PARD3B: variants seen among roughly 807,000 people sequenced by gnomAD.
PARD3B encodes partitioning defective 3 homolog B.
A neutral mutation model predicts 130.2 loss-of-function variants in PARD3B; 103 were observed. That is an observed-to-expected ratio of 0.79 (90% CI 0.67 to 0.93). PARD3B has a LOEUF of 0.93. PARD3B is among the 40% of genes least tolerant of loss of function. The pLI, the probability that PARD3B is intolerant of heterozygous loss-of-function variation, is 0.00. For synonymous variants in PARD3B, 583 were observed against 553.2 expected (o/e 1.05, Z -0.76); for missense variants, 1,609 against 1,499.2 (o/e 1.07, Z -1.21).
At chr2:205,424,174 T>C (rs2047066669) in intron 19 of PARD3B, among the ~76,000 whole-genome samples, 2 of 152,206 alleles carry the variant, frequency 1.3e-5, no homozygotes, top group Admixed American at 6.5e-5. Flanking sequence ...GGGAAAAGAC[T>C]GTACCCTCTG....
chr2:205,338,167 A>C (rs1197393813), intron 18 of PARD3B, among the ~76,000 whole-genome samples: 5 of 151,194 alleles, frequency 3.3e-5, no homozygotes, highest in Admixed American at 6.6e-5. Context: ...AAAAAAAAAA[A>C]AAAAAAAAAA....
chr2:204,998,473 A>ATATGTGTATATAATATATGTATATT (rs1694523079), intron 3 of PARD3B, among the ~76,000 whole-genome samples: 1 of 92,992 alleles, frequency 1.1e-5, no homozygotes, highest in Non-Finnish European at 2.1e-5. Context: ...ATATGTATAT[A>ATATGTGTATATAATATATGTATATT]TATGTGTATA....
Position 204,763,886 on chromosome 2 carries a change from T to C in PARD3B, c.222+77604T>C, listed in dbSNP as rs1298669139. Reference sequence around the variant, plus strand: ...TAGACCAACTTTTCTTCCATGCTTATAGAATAGAGTGAAATTTTTAATCTA... The same window carrying C: ...TAGACCAACTTTTCTTCCATGCTTACAGAATAGAGTGAAATTTTTAATCTA... On this transcript the variant is annotated intron_variant, in intron 2 of 22. Coordinates refer to ENST00000406610, the MANE Select transcript of PARD3B (RefSeq NM_001302769.2). 4.6e-5 allele frequency among the ~76,000 whole-genome samples: 7 copies of C among 152,368 alleles called. No individual in the cohort carries two copies. The East Asian group carries it at 1.3e-3, about 29-fold the overall frequency.
chr2:205,508,863 A>G (rs951343936), intron 21 of PARD3B, among the ~76,000 whole-genome samples: 2 of 152,230 alleles, frequency 1.3e-5, no homozygotes, highest in East Asian at 3.8e-4. Context: ...TGAAACATCA[A>G]TGCCACTGGA....
Position 205,550,951 on chromosome 2 carries a change from A to ATATATATATATG in PARD3B, c.3181-2372_3181-2371insATATATATATGT, listed in dbSNP as rs1553542788. Among the ~76,000 whole-genome samples, 4 of 77,578 alleles carry ATATATATATATG rather than the reference A, an allele frequency of 5.2e-5. No homozygotes were observed. The highest frequency in any genetic ancestry group is 3.1e-4 in the East Asian group (1 of 3,184). The allele number at this position is 77,578 out of a possible 152,430, so 50.9% of individuals were successfully genotyped here. ...TGTGTGTGTGTGTGTGTATATATAT[A>ATATATATATATG]TGTGTATATATATATATATATATAT... is the stretch of plus-strand genomic sequence containing the variant. On this transcript the variant is annotated intron_variant, in intron 21 of 22. Coordinates refer to ENST00000406610, the MANE Select transcript of PARD3B (RefSeq NM_001302769.2). This position sits in a 1 kb window ranked among gnomAD's most constrained non-coding sequence, Gnocchi z 4.5.
chr2:204,692,460 G>T (rs1304567828), intron 2 of PARD3B, among the ~76,000 whole-genome samples: 1 of 151,248 alleles, frequency 6.6e-6, no homozygotes, highest in East Asian at 2.0e-4. Context: ...GAAGTATATT[G>T]TGTTTTCTGG....
intron 20 of PARD3B, among the ~76,000 whole-genome samples, chr2:205,451,780 G>T (rs1011476231): frequency 2.0e-5 from 3 of 151,696 alleles, no homozygotes; most frequent in African/African-American, 7.3e-5. Context: ...TGGAAAATGG[G>T]ATCTCCATCC....
chr2:204,705,292 GA>G (rs2038086698), intron 2 of PARD3B, among the ~76,000 whole-genome samples: 1 of 152,154 alleles, frequency 6.6e-6, no homozygotes. Context: ...TTCTTGTGGG[GA>G]AAGGAGACAG....
chr2:204,895,328 G>A (rs1316116144), intron 2 of PARD3B, among the ~76,000 whole-genome samples: 2 of 151,970 alleles, frequency 1.3e-5, no homozygotes, highest in Non-Finnish European at 2.9e-5. Context: ...TTTAAGAAAA[G>A]GATACTTATC....
intron 2 of PARD3B, among the ~76,000 whole-genome samples, chr2:204,725,732 A>G (rs998623534): frequency 3.9e-5 from 6 of 152,236 alleles, no homozygotes; most frequent in Admixed American, 3.9e-4. Context: ...TTGTTAGGGT[A>G]TCCTTGTGAG....
chr2:205,168,072 G>T (rs1207511813), intron 11 of PARD3B, among the ~76,000 whole-genome samples: 1 of 152,112 alleles, frequency 6.6e-6, no homozygotes, highest in Non-Finnish European at 1.5e-5. Context: ...AGGTTTTTTC[G>T]TTCTAAAGTG....
chr2:205,402,670 G>T (rs1304706304), intron 19 of PARD3B, among the ~76,000 whole-genome samples: 2 of 152,258 alleles, frequency 1.3e-5, no homozygotes, highest in Middle Eastern at 3.4e-3. Context: ...AGGGAGCCTT[G>T]TTCTTAAAAG....
chr2:204,670,068 A>G (rs1259425336), intron 1 of PARD3B, among the ~76,000 whole-genome samples: 1 of 152,188 alleles, frequency 6.6e-6, no homozygotes, highest in Non-Finnish European at 1.5e-5. Context: ...AGGTGTTAAA[A>G]TTCAAAAAGA....
chr2:205,028,857 A>G (rs1289485784), intron 3 of PARD3B, among the ~76,000 whole-genome samples: 1 of 152,198 alleles, frequency 6.6e-6, no homozygotes, highest in Non-Finnish European at 1.5e-5. Context: ...TCAACGTACA[A>G]AAGTCAGTTG....
intron 2 of PARD3B, among the ~76,000 whole-genome samples, chr2:204,915,286 ACTAT>A (rs990670476): frequency 1.3e-5 from 2 of 152,148 alleles, no homozygotes; most frequent in Non-Finnish European, 2.9e-5. Context: ...TACTTAATAA[ACTAT>A]CTAATTAATA....
intron 16 of PARD3B, among the ~76,000 whole-genome samples, chr2:205,285,934 T>C (rs2041379420): frequency 6.6e-6 from 1 of 152,152 alleles, no homozygotes; most frequent in Non-Finnish European, 1.5e-5. Flanking sequence ...CCTTTTTAAT[T>C]AGTAGCAACA....
rs1226959818 is a variant in PARD3B, at chr2:204,739,720, G to C, written c.222+53438G>C. Among the ~76,000 whole-genome samples, 6 of 152,054 alleles carry C rather than the reference G, an allele frequency of 3.9e-5. No individual in the cohort carries two copies. The South Asian group carries it at 1.2e-3, about 32-fold the overall frequency. On this transcript the variant is annotated intron_variant, in intron 2 of 22. Coordinates refer to ENST00000406610, the MANE Select transcript of PARD3B (RefSeq NM_001302769.2). ...CTCAAGTGATGCTCCCAAACTGCAG[G>C]GATTACAGGTGTGAGCCAACCATGC...
At chr2:205,184,351 A>C (rs1411377282) in intron 13 of PARD3B, among the ~76,000 whole-genome samples, 1 of 152,222 alleles carries the variant, frequency 6.6e-6, no homozygotes, top group African/African-American at 2.4e-5. Flanking sequence ...TATCTTATCA[A>C]ATATGTCACT....
At chr2:204,875,424 A>G (rs80079382) in intron 2 of PARD3B, among the ~76,000 whole-genome samples, 6,817 of 152,198 alleles carry the variant, frequency 0.045, 213 homozygotes, top group Middle Eastern at 0.099. Flanking sequence ...CTTTAGAGGG[A>G]GTCAATTAGA....
Sources: gnomAD v4.1 joint callset for allele counts (sites outside exome capture counted in the v4.1 genomes callset) on GRCh38, gnomAD v4.1.1 for gene constraint, Gnocchi (gnomAD v3.1) non-coding constraint, MANE v1.5 for transcripts, NCBI Gene and HGNC (gene_info 2026-07-23, HGNC 2026-07-21) for gene names.